The following MGAT5 variants were observed in gnomAD, a reference collection of about 807,000 sequenced individuals.
The protein encoded by MGAT5 is alpha-1,6-mannosylglycoprotein 6-beta-N-acetylglucosaminyltransferase A.
In MGAT5, 30 loss-of-function variants were observed where a neutral mutation model predicts 94.3. The ratio of observed to expected loss-of-function variants is 0.32; its 90% CI spans 0.24 to 0.43. The LOEUF (loss-of-function observed/expected upper bound fraction) is 0.43, where lower values mean the gene tolerates loss of function less well. Among genes scored for constraint, MGAT5 ranks in the 20% least tolerant of loss-of-function variants. MGAT5 has a pLI of 1.00. For synonymous variants in MGAT5, 310 were observed against 322.9 expected, an observed-to-expected ratio of 0.96 and a Z score of 0.43; for missense variants, 691 against 905.5, an observed-to-expected ratio of 0.76 and a Z score of 3.04.
At chr2:134,370,915 C>T (rs4953915) in intron 10 of MGAT5, among the ~76,000 whole-genome samples, 41,659 of 152,090 alleles carry the variant, frequency 0.27, 6,547 homozygotes, top group African/African-American at 0.43. Context: ...CCTGTGTAAG[C>T]GTGTCAGTGT....
intron 10 of MGAT5, among the ~76,000 whole-genome samples, chr2:134,402,597 C>T (rs1683116724): frequency 6.6e-6 from 1 of 152,194 alleles, no homozygotes; most frequent in Admixed American, 6.5e-5. Flanking sequence ...GGCTGTCCTT[C>T]CCCAAACTTC....
At chr2:134,180,544 G>A (rs1400661639) in intron 1 of MGAT5, among the ~76,000 whole-genome samples, 1 of 152,190 alleles carries the variant, frequency 6.6e-6, no homozygotes, top group Admixed American at 6.5e-5. Context: ...GGTCTTGGAA[G>A]GCTGTGATTT....
chr2:134,294,276 CTT>C (rs1471088291), intron 2 of MGAT5, among the ~76,000 whole-genome samples: 29 of 152,140 alleles, frequency 1.9e-4, no homozygotes, highest in Admixed American at 1.9e-3. Context: ...AGTAAAGTAA[CTT>C]TTTGTTTTCA....
intron 10 of MGAT5, among the ~76,000 whole-genome samples, chr2:134,388,192 C>T (rs1405569101): frequency 6.6e-6 from 1 of 152,114 alleles, no homozygotes; most frequent in African/African-American, 2.4e-5. Context: ...AAGCTTTTCT[C>T]AGAATAAACT....
chr2:134,338,297 G>A lies in MGAT5; in HGVS notation c.684G>A (p.Met228Ile), dbSNP rs770888873. The A allele has an allele frequency of 1.4e-5, 22 of 1,612,936 alleles. No individual in the cohort carries two copies. Among genetic ancestry groups the A allele is most frequent in the Non-Finnish European group, 1.9e-5 (22 of 1,179,400 alleles). ...CAGATTTTAATATTCTCTACAGTAT[G>A]ATGAAAAAGCATGAAGAATTCCGGT... ...IRTDFNILYS[M>I]MKKHEEFRWM... The change falls in exon 6 of 16, where the codon ATG becomes ATA. Residue 228 changes from methionine to isoleucine, a missense_variant. Met to Ile is a conservative substitution (Grantham distance 10). Coordinates refer to ENST00000281923, the MANE Select transcript of MGAT5 (RefSeq NM_002410.5).
intron 1 of MGAT5, among the ~76,000 whole-genome samples, chr2:134,185,851 T>C (rs903272757): frequency 3.3e-5 from 5 of 152,210 alleles, no homozygotes; most frequent in Admixed American, 3.3e-4. Context: ...TCTTTGGAGA[T>C]GCAGAGGCTG....
chr2:134,347,083 A>G lies in MGAT5; in HGVS notation c.1112+2019A>G, dbSNP rs578053676. On this transcript the variant is annotated intron_variant, in intron 8 of 15. Coordinates refer to ENST00000281923, the MANE Select transcript of MGAT5 (RefSeq NM_002410.5). ...TTAGTCGGCCTATGATGCTCCAGAC[A>G]CAGAGACATTAGAGGGAAGACATAA... Among the ~76,000 whole-genome samples the G allele has an allele frequency of 5.9e-5, 9 of 152,338 alleles. No homozygotes were observed. The South Asian group carries it at 1.9e-3, about 32-fold the overall frequency.
chr2:134,219,139 C>T (rs965812736), intron 1 of MGAT5, among the ~76,000 whole-genome samples: 3 of 152,102 alleles, frequency 2.0e-5, no homozygotes, highest in African/African-American at 7.2e-5. Flanking sequence ...GAGGAAGTAG[C>T]AGCGAGCCAC....
chr2:134,348,880 C>G (rs1558813300), intron 8 of MGAT5, among the ~76,000 whole-genome samples: 1 of 152,100 alleles, frequency 6.6e-6, no homozygotes, highest in African/African-American at 2.4e-5. Flanking sequence ...CACTCTAGAG[C>G]AGTGGTCAGA....
chr2:134,145,659 T>C (rs940052669), intron 1 of MGAT5, among the ~76,000 whole-genome samples: 1 of 152,254 alleles, frequency 6.6e-6, no homozygotes, highest in African/African-American at 2.4e-5. Context: ...TGAGACAGGT[T>C]GACCTGCCTT....
chr2:134,328,233 C>A (rs1457638158), intron 4 of MGAT5, among the ~76,000 whole-genome samples: 1 of 152,066 alleles, frequency 6.6e-6, no homozygotes, highest in Admixed American at 6.6e-5. Flanking sequence ...CCCCCCTCAC[C>A]CCTGATATGC....
chr2:134,247,491 C>T (rs1682353455), intron 1 of MGAT5, among the ~76,000 whole-genome samples: 1 of 151,814 alleles, frequency 6.6e-6, no homozygotes, highest in African/African-American at 2.4e-5. Flanking sequence ...TGCTGAGTCT[C>T]TGCGATATAA....
At chr2:134,146,558 T>TAA (rs11323114) in intron 1 of MGAT5, among the ~76,000 whole-genome samples, 2 of 147,548 alleles carry the variant, frequency 1.4e-5, no homozygotes, top group African/African-American at 4.9e-5. Context: ...GGACCCTATT[T>TAA]AAAAAAAAAA....
intron 1 of MGAT5, among the ~76,000 whole-genome samples, chr2:134,192,107 C>T (rs1023095965): frequency 6.7e-6 from 1 of 149,694 alleles, no homozygotes; most frequent in South Asian, 2.1e-4. Flanking sequence ...TTGCGCGCTC[C>T]TCGCGCGAGC....
At chr2:134,184,370 A>G (rs2105189680) in intron 1 of MGAT5, among the ~76,000 whole-genome samples, 1 of 152,148 alleles carries the variant, frequency 6.6e-6, no homozygotes, top group Non-Finnish European at 1.5e-5. Context: ...TTTACATTCC[A>G]GCCTGCAGGG....
At chr2:134,323,291 G>T (rs1248990839) in intron 4 of MGAT5, among the ~76,000 whole-genome samples, 4 of 152,144 alleles carry the variant, frequency 2.6e-5, no homozygotes, top group African/African-American at 7.2e-5. Flanking sequence ...CCTTTCTTTA[G>T]AGGTGGGACT....
chr2:134,402,335 A>G (rs1192971640), intron 10 of MGAT5, among the ~76,000 whole-genome samples: 2 of 152,152 alleles, frequency 1.3e-5, no homozygotes, highest in Non-Finnish European at 2.9e-5. Context: ...TTACTCTTGA[A>G]TGTTTCAGGG....
rs72980004 is a variant in MGAT5, at chr2:134,353,785, G to A, written c.1246+3847G>A. On this transcript the variant is annotated intron_variant, in intron 9 of 15. Transcript: ENST00000281923. ...ACAGGTTGATGGAAAACTTTCTCAT[G>A]GACGAGGCTGACTTGAATGGAGGAA... is the stretch of plus-strand genomic sequence containing the variant. Among the ~76,000 whole-genome samples, 908 of 152,286 alleles carry A rather than the reference G, an allele frequency of 6.0e-3. 10 individuals carry two copies. Among genetic ancestry groups the A allele is most frequent in the African/African-American group, 0.02 (843 of 41,560 alleles).
chr2:134,280,623 A>G (rs1015312209), intron 2 of MGAT5, among the ~76,000 whole-genome samples: 1 of 152,230 alleles, frequency 6.6e-6, no homozygotes, highest in Non-Finnish European at 1.5e-5. Flanking sequence ...AGAAAAGTGG[A>G]CACCCAGTGA....
Sources: allele counts gnomAD v4.1 joint callset (sites outside exome capture counted in the v4.1 genomes callset), GRCh38; gene constraint gnomAD v4.1.1; transcripts MANE v1.5; gene names NCBI Gene and HGNC (gene_info 2026-07-23, HGNC 2026-07-21).